Variants in GRIK2 observed in about 807,000 individuals in gnomAD.
GRIK2 encodes glutamate ionotropic receptor kainate type subunit 2, also known as glutamate receptor ionotropic, kainate 2.
GRIK2 carries 32 observed loss-of-function variants against 100.3 expected under a neutral mutation model. The ratio of observed to expected loss-of-function variants is 0.32; its 90% confidence interval spans 0.24 to 0.43. The LOEUF (loss-of-function observed/expected upper bound fraction) is 0.43. Among genes scored for constraint, GRIK2 ranks in the 20% least tolerant of loss-of-function variants. GRIK2 has a pLI of 1.00. For synonymous variants in GRIK2, 417 were observed against 389.4 expected, an observed-to-expected ratio of 1.07 and a Z score of -0.83; for missense variants, 843 against 1,114.9, an observed-to-expected ratio of 0.76 and a Z score of 3.47.
intron 2 of GRIK2, among the ~76,000 whole-genome samples, chr6:101,431,886 C>A (rs979962410): frequency 3.9e-5 from 6 of 152,074 alleles, no homozygotes; most frequent in Admixed American, 2.0e-4. Context: ...CACTTTTTTT[C>A]AGGCATGGAT....
chr6:101,986,841 A>T (rs533070862), intron 14 of GRIK2, among the ~76,000 whole-genome samples: 6 of 151,950 alleles, frequency 3.9e-5, no homozygotes, highest in African/African-American at 1.4e-4. Flanking sequence ...TTAAAAGCTA[A>T]TCTTAGTTTT....
In GRIK2 at chr6:101,549,872, A is replaced by C. The variant is rs79013100; in HGVS notation, c.116-72077A>C. ...GAACTATAATTATCCCCATTTTGCC[A>C]ATGAAGATAAGAAGATATGGAGTTG... On this transcript the variant is annotated intron_variant, in intron 2 of 16. Coordinates refer to ENST00000369134, the MANE Select transcript of GRIK2 (RefSeq NM_021956.5). Among the ~76,000 whole-genome samples, 940 of 152,290 alleles carry C rather than the reference A, an allele frequency of 6.2e-3. 4 individuals are homozygous for C. Among genetic ancestry groups the C allele is most frequent in the African/African-American group, 0.019 (805 of 41,562 alleles).
At chr6:101,441,623 G>A (rs1770065654) in intron 2 of GRIK2, among the ~76,000 whole-genome samples, 2 of 152,018 alleles carry the variant, frequency 1.3e-5, no homozygotes, top group Admixed American at 6.6e-5. Flanking sequence ...AGTCTTTATG[G>A]CCTCATTTTT....
intron 2 of GRIK2, among the ~76,000 whole-genome samples, chr6:101,578,339 A>G (rs493632): frequency 0.11 from 16,781 of 152,140 alleles, 1,298 homozygotes; most frequent in African/African-American, 0.21. Context: ...AACTCTGCCT[A>G]TGTATTTTCT....
intron 2 of GRIK2, among the ~76,000 whole-genome samples, chr6:101,529,289 G>A (rs1775303957): frequency 6.6e-6 from 1 of 151,940 alleles, no homozygotes; most frequent in Non-Finnish European, 1.5e-5. Context: ...AATTTTGCTT[G>A]GCATTTAGAG....
intron 12 of GRIK2, among the ~76,000 whole-genome samples, chr6:101,906,834 G>C (rs1349337688): frequency 1.3e-5 from 2 of 151,694 alleles, no homozygotes; most frequent in African/African-American, 4.8e-5. Flanking sequence ...CATAAATACT[G>C]GTCCGCACTA....
chr6:101,770,882 C>A (rs1418684869), intron 7 of GRIK2, among the ~76,000 whole-genome samples: 3 of 152,120 alleles, frequency 2.0e-5, no homozygotes, highest in Non-Finnish European at 4.4e-5. Context: ...CTTTACAAAA[C>A]TATAGGAATA....
chr6:101,981,088 T>A (rs1793690353), intron 14 of GRIK2, among the ~76,000 whole-genome samples: 1 of 151,866 alleles, frequency 6.6e-6, no homozygotes, highest in East Asian at 1.9e-4. Flanking sequence ...GGAACACATG[T>A]GTTCCATTAA....
intron 10 of GRIK2, among the ~76,000 whole-genome samples, chr6:101,825,835 T>A (rs1321378251): frequency 1.3e-5 from 2 of 152,108 alleles, no homozygotes. Flanking sequence ...TCTCATTTTT[T>A]TAGGAAGATG....
intron 2 of GRIK2, among the ~76,000 whole-genome samples, chr6:101,516,895 A>G (rs991968695): frequency 7.7e-6 from 1 of 129,130 alleles, no homozygotes; most frequent in South Asian, 2.7e-4. Flanking sequence ...GGAAAAATTC[A>G]TATGCTGAAA....
At chr6:101,973,402 C>T (rs1156315796) in intron 14 of GRIK2, among the ~76,000 whole-genome samples, 1 of 151,754 alleles carries the variant, frequency 6.6e-6, no homozygotes, top group African/African-American at 2.4e-5. Flanking sequence ...CATTCAATCT[C>T]AATAATATCC....
chr6:101,452,324 G>C (rs1046886941), intron 2 of GRIK2, among the ~76,000 whole-genome samples: 1 of 151,826 alleles, frequency 6.6e-6, no homozygotes, highest in African/African-American at 2.4e-5. Flanking sequence ...AACTTACCCA[G>C]TGGTTCTCAA....
intron 2 of GRIK2, among the ~76,000 whole-genome samples, chr6:101,425,023 A>G (rs1776628259): frequency 6.6e-6 from 1 of 151,906 alleles, no homozygotes; most frequent in African/African-American, 2.4e-5. Flanking sequence ...GCCACAATAA[A>G]CATACATGTG....
intron 7 of GRIK2, among the ~76,000 whole-genome samples, chr6:101,778,109 G>T (rs1284188726): frequency 6.6e-6 from 1 of 152,054 alleles, no homozygotes; most frequent in Non-Finnish European, 1.5e-5. Context: ...ACTATGTGAG[G>T]TATTAAAAAG....
At chr6:101,869,186 C>T (rs371871660) in intron 11 of GRIK2, among the ~76,000 whole-genome samples, 19 of 151,784 alleles carry the variant, frequency 1.3e-4, no homozygotes, top group African/African-American at 4.6e-4. Context: ...TGTACTTGGT[C>T]AGGTTTATTT....
chr6:101,923,940 A>C (rs1030670368), intron 12 of GRIK2, among the ~76,000 whole-genome samples: 6 of 151,516 alleles, frequency 4.0e-5, no homozygotes, highest in Non-Finnish European at 8.8e-5. Context: ...AAAAAAAAAA[A>C]AAAAAAACCA....
At chr6:101,898,091 T>C (rs1403113701) in intron 12 of GRIK2, among the ~76,000 whole-genome samples, 2 of 151,866 alleles carry the variant, frequency 1.3e-5, no homozygotes, top group Non-Finnish European at 2.9e-5. Flanking sequence ...TTACCTTTTT[T>C]TAAAATTAGT....
At chr6:101,420,767 T>C (rs918177360) in intron 2 of GRIK2, among the ~76,000 whole-genome samples, 3 of 152,208 alleles carry the variant, frequency 2.0e-5, no homozygotes, top group Non-Finnish European at 4.4e-5. Context: ...GAGCTTACTC[T>C]TTACTGGCAA....
chr6:101,681,402 CTATT>C (rs780047536), intron 5 of GRIK2, among the ~76,000 whole-genome samples: 2,503 of 99,006 alleles, frequency 0.025, 57 homozygotes, highest in African/African-American at 0.087. Context: ...TTTTTCTTTT[CTATT>C]TTTTTTTTTT....
Sources: gnomAD v4.1 joint callset for allele counts (sites outside exome capture counted in the v4.1 genomes callset) on GRCh38, gnomAD v4.1.1 for gene constraint, MANE v1.5 for transcripts, NCBI Gene and HGNC (gene_info 2026-07-23, HGNC 2026-07-21) for gene names.